The following ITPR1 variants were observed in gnomAD, a reference collection of about 807,000 sequenced individuals.
The protein encoded by ITPR1 is inositol 1,4,5-trisphosphate receptor type 1, also known as inositol 1,4,5-trisphosphate-gated calcium channel ITPR1.
Under a neutral mutation model 318.4 loss-of-function variants are expected in ITPR1, and 96 were observed. That is an observed-to-expected ratio of 0.30 (90% CI 0.26 to 0.36). ITPR1 has a LOEUF of 0.36. Ranked by LOEUF, ITPR1 falls within the 10% of genes least tolerant of loss-of-function variation. ITPR1 has a pLI of 1.00. For missense variants in ITPR1, 2,440 were observed against 3,460.2 expected (o/e 0.71, Z 7.40); for synonymous variants, 1,312 against 1,289.9 (o/e 1.02, Z -0.37).
At chr3:4,734,566 C>T (rs1207018324) in intron 43 of ITPR1, among the ~76,000 whole-genome samples, 2 of 152,220 alleles carry the variant, frequency 1.3e-5, no homozygotes, top group Non-Finnish European at 2.9e-5. Context: ...TAAATATGTA[C>T]CTCCCAAACA....
chr3:4,624,669 C>G (rs1358158928), intron 4 of ITPR1, among the ~76,000 whole-genome samples: 1 of 100,798 alleles, frequency 9.9e-6, no homozygotes, highest in African/African-American at 5.5e-5. Context: ...GGCTCTGTCT[C>G]CAAAAAAAAA....
chr3:4,768,542 G>C lies in ITPR1; in HGVS notation c.5757G>C (p.Glu1919Asp), dbSNP rs943033708. The C allele has an allele frequency of 6.2e-7, 1 of 1,613,562 alleles. No individual in the cohort carries two copies. Among genetic ancestry groups the C allele is most frequent in the Non-Finnish European group, 8.5e-7 (1 of 1,179,618 alleles). The stretch of plus-strand genomic sequence containing the variant: ...AGCCCACAACACAGATAACAGAAGA[G>C]GTCCGGGATCAGCTCCTGGAGGCCT... ...AKEPTTQITE[E>D]VRDQLLEASA... The change falls in exon 46 of 62, where the codon GAG becomes GAC. Residue 1919 changes from glutamate (E) to aspartate (D), a missense_variant. Physicochemically the swap from Glu to Asp is conservative, Grantham distance 45. Around this residue, in one of 23 missense-constraint regions of ITPR1, gnomAD observed 113 missense variants for 103.6 expected, o/e 1.09. Transcript: ENST00000649015.
At chr3:4,797,319 C>T (rs952893750) in intron 53 of ITPR1, among the ~76,000 whole-genome samples, 3 of 151,960 alleles carry the variant, frequency 2.0e-5, no homozygotes, top group African/African-American at 7.3e-5. Flanking sequence ...ATTAACCCTG[C>T]CTAGAAACAA....
intron 57 of ITPR1, among the ~76,000 whole-genome samples, chr3:4,814,139 G>A (rs1487911875): frequency 6.6e-6 from 1 of 152,294 alleles, no homozygotes. Flanking sequence ...GTTTGCGGCT[G>A]GGTCTGGGGT....
chr3:4,710,300 G>A lies in ITPR1; in HGVS notation c.4843-25G>A. 2 of 1,522,992 alleles carry A rather than the reference G, an allele frequency of 1.3e-6. No individual in the cohort carries two copies. The highest frequency in any genetic ancestry group is 1.2e-5 in the South Asian group (1 of 81,092). 94.3% of individuals were successfully genotyped at this position (1,522,992 alleles called of 1,614,324 possible). ...GTGGTCAGCGTCTGCCTGAGCCGTTGACTGAGGCTGTGTTTCCGTTTTAGG... is the reference window on the plus strand; with the variant it reads ...GTGGTCAGCGTCTGCCTGAGCCGTTAACTGAGGCTGTGTTTCCGTTTTAGG... On this transcript the variant is annotated intron_variant, in intron 37 of 61. Coordinates refer to ENST00000649015, the MANE Select transcript of ITPR1 (RefSeq NM_001378452.1). This position sits in a 1 kb window ranked among gnomAD's most constrained non-coding sequence, Gnocchi z 4.2.
rs2093436161 is a variant in ITPR1 at position 4,645,582 on chromosome 3, G to A, written c.709G>A (p.Gly237Ser). ...SDNKDDILKGGDVVRLFHAEQ... is the reference protein window; with the variant it reads ...SDNKDDILKGSDVVRLFHAEQ... Reference sequence around the variant, plus strand: ...AATTCTTTCTTGTGTTGACTGTCAGGGTGACGTGGTGAGGCTGTTTCATGC... The same window carrying A: ...AATTCTTTCTTGTGTTGACTGTCAGAGTGACGTGGTGAGGCTGTTTCATGC... Residue 237 changes from glycine to serine, a missense_variant and splice_region_variant, in exon 10 of 62, where the codon GGT becomes AGT. By Grantham distance (56) the Gly-to-Ser change is moderately conservative. Around this residue, in one of 23 missense-constraint regions of ITPR1, gnomAD observed 186 missense variants for 323.9 expected, o/e 0.57. Coordinates refer to ENST00000649015, the MANE Select transcript of ITPR1 (RefSeq NM_001378452.1). The A allele has an allele frequency of 6.2e-7, 1 of 1,613,166 alleles. No homozygotes were observed. Among genetic ancestry groups the A allele is most frequent in the Non-Finnish European group, 8.5e-7 (1 of 1,179,574 alleles).
At chr3:4,593,613 G>C (rs1005510733) in intron 4 of ITPR1, among the ~76,000 whole-genome samples, 1 of 152,134 alleles carries the variant, frequency 6.6e-6, no homozygotes, top group African/African-American at 2.4e-5. Flanking sequence ...CTAATGCCTT[G>C]GGAGAATACA....
rs373911976 is a variant in ITPR1, at chr3:4,645,409, C to T, written c.647C>T (p.Thr216Ile). The T allele has an allele frequency of 8.7e-6, 14 of 1,612,962 alleles. No homozygotes were observed. The African/African-American group carries it at 1.9e-4, about 22-fold the overall frequency. ...CNEVNSVNCN[T>I]SWKIVLFMKW... is the part of the protein sequence containing the mutation. ...CAGGTCAATTCCGTCAACTGCAATA[C>T]AAGCTGGAAAATAGTCCTTTTCATG... The change falls in exon 9 of 62, where the codon ACA (threonine) becomes ATA (isoleucine). Residue 216 changes from threonine (T) to isoleucine (I), a missense_variant. Coordinates refer to ENST00000649015, the MANE Select transcript of ITPR1 (RefSeq NM_001378452.1).
At chr3:4,599,687 G>A (rs1299007868) in intron 4 of ITPR1, among the ~76,000 whole-genome samples, 2 of 152,222 alleles carry the variant, frequency 1.3e-5, no homozygotes, top group East Asian at 3.8e-4. Flanking sequence ...GAAGGACCTT[G>A]GTTGCAGCAA....
At chr3:4,575,944 C>T (rs780418596) in intron 4 of ITPR1, among the ~76,000 whole-genome samples, 2 of 150,516 alleles carry the variant, frequency 1.3e-5, no homozygotes, top group East Asian at 1.9e-4. Flanking sequence ...CGCTTGGGCC[C>T]GGGAGGTCGA....
chr3:4,538,778 A>G (rs1023210845), intron 4 of ITPR1, among the ~76,000 whole-genome samples: 2 of 152,212 alleles, frequency 1.3e-5, no homozygotes, highest in Non-Finnish European at 2.9e-5. Flanking sequence ...ATTCAAGAAC[A>G]GAAAACCAAA....
intron 2 of ITPR1, among the ~76,000 whole-genome samples, chr3:4,497,601 T>C (rs1406583062): frequency 6.6e-6 from 1 of 152,166 alleles, no homozygotes; most frequent in Admixed American, 6.5e-5. Flanking sequence ...CCTTGTGCAT[T>C]GCCGGTGGGA....
intron 49 of ITPR1, chr3:4,782,305 A>G (rs572521581): frequency 2.5e-5 from 5 of 203,258 alleles, no homozygotes; most frequent in South Asian, 1.9e-4. Context: ...GCCTACATTC[A>G]TATCATATTT....
rs3796336 is a variant in ITPR1, at chr3:4,651,869, C to A, written c.856-254C>A. On this transcript the variant is annotated intron_variant, in intron 10 of 61. Coordinates refer to ENST00000649015, the MANE Select transcript of ITPR1 (RefSeq NM_001378452.1). ...ACTTCATTATGGCTAAGGCAAATAA[C>A]CTGAAAACCACTGAAGTTTTTATTC... Among the ~76,000 whole-genome samples, 103,752 of 152,168 alleles carry A rather than the reference C, an allele frequency of 0.68. 37,196 individuals carry two copies. Among genetic ancestry groups the A allele is most frequent in the South Asian group, 0.86 (4,127 of 4,824 alleles).
chr3:4,782,967 C>T (rs886653188), intron 50 of ITPR1, among the ~76,000 whole-genome samples: 5 of 152,158 alleles, frequency 3.3e-5, no homozygotes, highest in Non-Finnish European at 7.3e-5. Flanking sequence ...TGGAAATCCC[C>T]GTGTTTCTTA....
intron 7 of ITPR1, among the ~76,000 whole-genome samples, chr3:4,642,527 G>A (rs146000333): frequency 5.3e-5 from 8 of 152,272 alleles, no homozygotes; most frequent in Non-Finnish European, 1.2e-4. Flanking sequence ...CAGCTATTCC[G>A]TGTTAATGTC....
At chr3:4,515,389 G>C (rs1042010853) in intron 2 of ITPR1, among the ~76,000 whole-genome samples, 1 of 152,088 alleles carries the variant, frequency 6.6e-6, no homozygotes, top group African/African-American at 2.4e-5. Flanking sequence ...AGGGGAAGTC[G>C]AGTAAATTGA....
At chr3:4,691,720 G>C (rs1176214199) in intron 32 of ITPR1, among the ~76,000 whole-genome samples, 1 of 152,212 alleles carries the variant, frequency 6.6e-6, no homozygotes, top group African/African-American at 2.4e-5. Flanking sequence ...TAATTAGATG[G>C]AAAAAATTTT....
intron 4 of ITPR1, among the ~76,000 whole-genome samples, chr3:4,592,054 G>A (rs376703544): frequency 2.6e-5 from 4 of 152,106 alleles, no homozygotes; most frequent in South Asian, 4.1e-4. Context: ...GGTTAATTCC[G>A]AGCTGGGGTT....
Sources: gnomAD v4.1 joint callset for allele counts (sites outside exome capture counted in the v4.1 genomes callset) on GRCh38, gnomAD v4.1.1 for gene constraint, gnomAD v4.1.1 regional missense constraint, Gnocchi (gnomAD v3.1) non-coding constraint, MANE v1.5 for transcripts, NCBI Gene and HGNC (gene_info 2026-07-23, HGNC 2026-07-21) for gene names.